NBPF4: variants seen among roughly 807,000 people sequenced by gnomAD.
The protein encoded by NBPF4 is NBPF member 4.
NBPF4 carries 11 observed loss-of-function variants against 21.1 expected under a neutral mutation model. The observed-to-expected ratio is 0.52, with a 90% CI of 0.33 to 0.86. The LOEUF (loss-of-function observed/expected upper bound fraction) is 0.86. Ranked by LOEUF, NBPF4 falls within the 40% of genes least tolerant of loss-of-function variation. The pLI is 0.03. For synonymous variants in NBPF4, 47 were observed against 106.4 expected, an observed-to-expected ratio of 0.44 and a Z score of 3.43; for missense variants, 88 against 265.3, an observed-to-expected ratio of 0.33 and a Z score of 4.64.
In NBPF4 at chr1:108,229,148, C is replaced by G. The variant is rs779142676; in HGVS notation, c.1432G>C (p.Glu478Gln). The change falls in exon 13 of 15, where the codon GAG (glutamate) becomes CAG (glutamine). Residue 478 changes from glutamate (E) to glutamine (Q), a missense_variant. By Grantham distance (29) the Glu-to-Gln change is conservative (BLOSUM62 2). Around this residue, in one of 4 missense-constraint regions of NBPF4, gnomAD observed 60 missense variants for 86.5 expected, o/e 0.69. Transcript: ENST00000415641. ...CSALDVASPTEAACPQGTWSG... is the reference protein window; with the variant it reads ...CSALDVASPTQAACPQGTWSG... The stretch of plus-strand genomic sequence containing the variant: ...CAAGTCCCTTGGGGACAGGCCGCCT[C>G]GGTGGGGGCTGAAAGGAGAAGGGGC... The G allele has an allele frequency of 1.3e-6, 2 of 1,550,062 alleles. No individual in the cohort carries two copies. The highest frequency in any genetic ancestry group is 3.9e-5 in the Admixed American group (2 of 50,942).
At chr1:108,228,727 T>G (rs77009338) in intron 13 of NBPF4, among the ~76,000 whole-genome samples, 193 bp downstream of exon 13, 8,055 of 146,504 alleles carry the variant, frequency 0.055, 19 homozygotes, top group East Asian at 0.16. Context: ...AAGCAGAAAG[T>G]GGCAAACCCA....
At chr1:108,234,764 T>C (rs1332983864) in intron 9 of NBPF4, among the ~76,000 whole-genome samples, 1 of 59,798 alleles carries the variant, frequency 1.7e-5, no homozygotes, top group Middle Eastern at 7.9e-3. Context: ...TGTTAAATTT[T>C]ATGTGTAGTG....
At chr1:108,228,332 ACT>A (rs1256624388) in intron 13 of NBPF4, among the ~76,000 whole-genome samples, 11 of 138,236 alleles carry the variant, frequency 8.0e-5, no homozygotes, top group Admixed American at 4.4e-4. Context: ...CAGGATTTAC[ACT>A]GTTACTCAAT....
chr1:108,257,807 A>G, the NBPF4 span, among the ~76,000 whole-genome samples: 3 of 114,460 alleles, frequency 2.6e-5, no homozygotes, highest in South Asian at 8.2e-4. Flanking sequence ...TCATTCTGTC[A>G]CTCAGGCTGG....
At chr1:108,255,925 C>CT in the NBPF4 span, among the ~76,000 whole-genome samples, 2 of 134,470 alleles carry the variant, frequency 1.5e-5, no homozygotes, top group Non-Finnish European at 3.1e-5. Context: ...TGCATTAATT[C>CT]TTTTTTTAAT....
At chr1:108,264,183 A>C in the NBPF4 span, among the ~76,000 whole-genome samples, 2 of 150,338 alleles carry the variant, frequency 1.3e-5, no homozygotes, top group African/African-American at 5.0e-5. Flanking sequence ...AAGTTAAGGG[A>C]TGGAGGAAAA....
the NBPF4 span, among the ~76,000 whole-genome samples, chr1:108,257,941 G>C: frequency 7.1e-6 from 1 of 141,418 alleles, no homozygotes; most frequent in Non-Finnish European, 1.5e-5. Flanking sequence ...GTAGAGACGA[G>C]GTTTCACCAT....
chr1:108,228,988 C>T lies in NBPF4; in HGVS notation c.1592G>A (p.Arg531Gln), dbSNP rs541795275. ...GCTGCAGGTGGTGGAGGAAAGGCCC[C>T]GCTGGGCCAAGCCGTTCCCACAGTG... ...GFHCGNGLAQ[R>Q]GLSSTTCSFS... Residue 531 changes from arginine (R) to glutamine (Q), a missense_variant, in exon 13 of 15, where the codon CGG becomes CAG. Transcript: ENST00000415641. The T allele has an allele frequency of 8.1e-5, 125 of 1,542,288 alleles. No individual in the cohort carries two copies. The African/African-American group carries it at 9.7e-4, about 12-fold the overall frequency.
upstream of NBPF4, among the ~76,000 whole-genome samples, chr1:108,246,048 C>T (rs1649840165): frequency 8.6e-6 from 1 of 115,734 alleles, no homozygotes; most frequent in Non-Finnish European, 1.8e-5. Flanking sequence ...CAATGATTCT[C>T]ATTAAGACTT....
upstream of NBPF4, among the ~76,000 whole-genome samples, chr1:108,247,882 A>G (rs1369126193): frequency 7.4e-6 from 1 of 135,162 alleles, no homozygotes; most frequent in Admixed American, 8.2e-5. Context: ...TCTAGGCTGG[A>G]GTGCTCACTG....
chr1:108,257,762 CTTTTT>C, the NBPF4 span, among the ~76,000 whole-genome samples: 1 of 54,766 alleles, frequency 1.8e-5, no homozygotes, highest in Non-Finnish European at 3.2e-5. Flanking sequence ...CTTTTCTTTT[CTTTTT>C]TTTTTTTTTT....
At chr1:108,226,433 G>T (rs1483743991) in intron 14 of NBPF4, among the ~76,000 whole-genome samples, 1 of 150,674 alleles carries the variant, frequency 6.6e-6, no homozygotes, top group African/African-American at 2.5e-5. Context: ...CTCTCCTGTG[G>T]CCATGAGAGG....
At position 108,226,266 on chromosome 1, in the gene NBPF4, A is replaced by G. The variant is rs923109853; in HGVS notation, c.1875+413T>C. ...ACTCAAGAGGAAAATCTTCATGTAA[A>G]TGATGTATTAAAGCAATGACTTCTG... On this transcript the variant is annotated intron_variant, in intron 14 of 14. Transcript: ENST00000415641. 1.6e-4 allele frequency among the ~76,000 whole-genome samples: 25 copies of G among 151,616 alleles called. 3 individuals are homozygous for G. The highest frequency in any genetic ancestry group is 5.8e-4 in the African/African-American group (24 of 41,048).
intron 3 of NBPF4, among the ~76,000 whole-genome samples, chr1:108,241,601 AC>A (rs1419859568): frequency 7.4e-6 from 1 of 136,022 alleles, no homozygotes; most frequent in Non-Finnish European, 1.6e-5. Flanking sequence ...GTGACTAGAT[AC>A]AAAGCCATGC....
chr1:108,223,891 C>A, intron 14 of NBPF4, 145 bp from the exon 15 acceptor site: 1 of 850,842 alleles, frequency 1.2e-6, no homozygotes, highest in East Asian at 2.7e-5. Context: ...CCTGGGCTGT[C>A]AGAAGGGGGA....
chr1:108,228,975 G>A lies in NBPF4; in HGVS notation c.1605C>T (p.Ser535=). ...GNGLAQRGLS[S]TTCSFSANAD... ...CATTGGCTGAGAAGCTGCAGGTGGT[G>A]GAGGAAAGGCCCCGCTGGGCCAAGC... Residue 535 remains serine (S), a synonymous_variant, in exon 13 of 15, where the codon TCC becomes TCT. Coordinates refer to ENST00000415641, the MANE Select transcript of NBPF4 (RefSeq NM_001143989.3). 2 of 1,536,968 alleles carry A rather than the reference G, an allele frequency of 1.3e-6. 1 individual carries two copies. Among genetic ancestry groups the A allele is most frequent in the Non-Finnish European group, 1.8e-6 (2 of 1,135,554 alleles).
intron 9 of NBPF4, among the ~76,000 whole-genome samples, chr1:108,234,727 G>A (rs1365292984): frequency 6.2e-5 from 1 of 16,102 alleles, no homozygotes; most frequent in African/African-American, 4.0e-4. Context: ...TCCTATAACA[G>A]TGGTTTCATT....
intron 14 of NBPF4, 146 bp from the exon 15 acceptor site, chr1:108,223,892 A>G (rs2919514): frequency 2.4e-6 from 2 of 819,672 alleles, no homozygotes; most frequent in Admixed American, 5.6e-5. Context: ...CTGGGCTGTC[A>G]GAAGGGGGAA....
the NBPF4 span, among the ~76,000 whole-genome samples, chr1:108,258,431 T>C: frequency 7.2e-6 from 1 of 139,638 alleles, no homozygotes; most frequent in East Asian, 2.0e-4. Context: ...CAATTGTGCA[T>C]TGGAATTACA....
Sources: allele counts gnomAD v4.1 joint callset (sites outside exome capture counted in the v4.1 genomes callset), GRCh38; gene constraint gnomAD v4.1.1; regional missense constraint gnomAD v4.1.1; transcripts MANE v1.5; gene names NCBI Gene and HGNC (gene_info 2026-07-23, HGNC 2026-07-21).